WWOX: variants seen among roughly 807,000 people sequenced by gnomAD.
The protein encoded by WWOX is WW domain-containing oxidoreductase.
Under a neutral mutation model 46.2 loss-of-function variants are expected in WWOX, and 69 were observed. The ratio of observed to expected loss-of-function variants is 1.49; its 90% CI spans 1.23 to 1.82. WWOX has a LOEUF of 1.82. WWOX is among the 40% of genes most tolerant of loss of function. WWOX has a pLI of 0.00. For synonymous variants in WWOX, 359 were observed against 202.6 expected (o/e 1.77, Z -6.56); for missense variants, 919 against 542.6 (o/e 1.69, Z -6.89).
At chr16:78,228,483 A>C (rs2037143513) in intron 5 of WWOX, among the ~76,000 whole-genome samples, 1 of 151,944 alleles carries the variant, frequency 6.6e-6, no homozygotes, top group Non-Finnish European at 1.5e-5. Context: ...CTGGGACCAC[A>C]GGTGCTTGCC....
intron 5 of WWOX, among the ~76,000 whole-genome samples, chr16:78,202,310 T>G (rs533833818): frequency 6.6e-6 from 1 of 152,344 alleles, no homozygotes; most frequent in South Asian, 2.1e-4. Context: ...AAGGAAGGAA[T>G]GAAGGGTGGT....
chr16:78,691,705 C>G (rs1254413552), intron 8 of WWOX, among the ~76,000 whole-genome samples: 3 of 152,118 alleles, frequency 2.0e-5, no homozygotes, highest in Non-Finnish European at 4.4e-5. Context: ...AAGACCGTGT[C>G]TCCAAAAGGA....
intron 5 of WWOX, among the ~76,000 whole-genome samples, chr16:78,232,104 CAAGT>C (rs1220312529): frequency 6.6e-6 from 1 of 151,976 alleles, no homozygotes; most frequent in Admixed American, 6.6e-5. Flanking sequence ...GTAGAAAGTA[CAAGT>C]AAGTATACCT....
chr16:78,465,596 T>G (rs1246836580), intron 8 of WWOX, among the ~76,000 whole-genome samples: 1 of 152,236 alleles, frequency 6.6e-6, no homozygotes, highest in Non-Finnish European at 1.5e-5. Context: ...CCATAATCTC[T>G]GAATTTAACA....
chr16:79,079,134 A>T (rs545595435), intron 8 of WWOX, among the ~76,000 whole-genome samples: 2 of 152,202 alleles, frequency 1.3e-5, no homozygotes, highest in African/African-American at 4.8e-5. Flanking sequence ...CCTAGTTGCA[A>T]TGCTCTCTTC....
At chr16:78,558,669 C>G (rs894224947) in intron 8 of WWOX, among the ~76,000 whole-genome samples, 1 of 152,210 alleles carries the variant, frequency 6.6e-6, no homozygotes, top group African/African-American at 2.4e-5. Context: ...TCATAGGTCT[C>G]CCTGATTCCA....
chr16:78,704,920 G>GTT (rs11374229), intron 8 of WWOX, among the ~76,000 whole-genome samples: 2,880 of 144,360 alleles, frequency 0.02, 79 homozygotes, highest in African/African-American at 0.058. Context: ...AATACAACTT[G>GTT]TTTTTTTTTT....
At chr16:79,079,333 T>G (rs2048717768) in intron 8 of WWOX, among the ~76,000 whole-genome samples, 1 of 152,170 alleles carries the variant, frequency 6.6e-6, no homozygotes, top group East Asian at 1.9e-4. Context: ...TCTCTTTTTT[T>G]CTTGGGTTCC....
chr16:78,406,340 A>T (rs1240016834), intron 6 of WWOX, among the ~76,000 whole-genome samples: 4 of 88,920 alleles, frequency 4.5e-5, no homozygotes, highest in African/African-American at 4.3e-4. Flanking sequence ...ATATATATAT[A>T]TATATATATA....
At chr16:78,749,778 A>G (rs1185771558) in intron 8 of WWOX, among the ~76,000 whole-genome samples, 7 of 152,206 alleles carry the variant, frequency 4.6e-5, no homozygotes, top group African/African-American at 1.7e-4. Flanking sequence ...GTTACCTGAA[A>G]TGCAACTGTA....
intron 8 of WWOX, among the ~76,000 whole-genome samples, chr16:79,102,081 G>A (rs1456611101): frequency 7.9e-6 from 1 of 126,172 alleles, no homozygotes; most frequent in Non-Finnish European, 1.7e-5. Flanking sequence ...GGGGTGTGGG[G>A]AGGGTGGGGC....
chr16:78,311,717 G>A lies in WWOX; in HGVS notation c.517-75143G>A, dbSNP rs574775286. On this transcript the variant is annotated intron_variant, in intron 5 of 8. Coordinates refer to ENST00000566780, the MANE Select transcript of WWOX (RefSeq NM_016373.4). Reference sequence around the variant, plus strand: ...GGCAGACTTTAGTCTGGTTTATAATGCTTTAATATTTTTTTGAAGGAAGAA... The same window carrying A: ...GGCAGACTTTAGTCTGGTTTATAATACTTTAATATTTTTTTGAAGGAAGAA... Among the ~76,000 whole-genome samples, 21 of 152,140 alleles carry A rather than the reference G, an allele frequency of 1.4e-4. No individual in the cohort carries two copies. The South Asian group carries it at 4.2e-3, about 30-fold the overall frequency.
At chr16:78,386,619 ACCCACCCCCCCGC>A (rs972916987) in intron 5 of WWOX, among the ~76,000 whole-genome samples, 1 of 124,800 alleles carries the variant, frequency 8.0e-6, no homozygotes, top group African/African-American at 3.0e-5. Context: ...ACACAGCACA[ACCCACCCCCCCGC>A]CCCACCCCCC....
intron 8 of WWOX, among the ~76,000 whole-genome samples, chr16:78,686,760 A>C (rs1270093099): frequency 6.6e-6 from 1 of 152,174 alleles, no homozygotes; most frequent in East Asian, 1.9e-4. Context: ...TGCACTCCAT[A>C]TGCCTTCTGT....
intron 8 of WWOX, among the ~76,000 whole-genome samples, chr16:78,931,889 G>C (rs2045631391): frequency 6.6e-6 from 1 of 152,160 alleles, no homozygotes; most frequent in Admixed American, 6.5e-5. Flanking sequence ...TCATGGGGGT[G>C]GGTCTTTCCC....
chr16:78,286,788 T>C (rs74029855), intron 5 of WWOX, among the ~76,000 whole-genome samples: 2 of 146,110 alleles, frequency 1.4e-5, no homozygotes, highest in Admixed American at 7.1e-5. Flanking sequence ...AATATAACTA[T>C]ATGAGTATCA....
At chr16:78,615,882 T>A (rs909762107) in intron 8 of WWOX, among the ~76,000 whole-genome samples, 4 of 151,702 alleles carry the variant, frequency 2.6e-5, no homozygotes, top group Non-Finnish European at 5.9e-5. Flanking sequence ...TCCCGAGTAG[T>A]TGGGACTACA....
chr16:78,907,874 G>A (rs954811), intron 8 of WWOX, among the ~76,000 whole-genome samples: 74,954 of 151,976 alleles, frequency 0.49, 20,939 homozygotes, highest in Non-Finnish European at 0.64. Flanking sequence ...TCCAAAGCCC[G>A]TGGCATGTCA....
rs764089824 is a variant in WWOX at position 78,164,188 on chromosome 16, G to A, written c.415G>A (p.Glu139Lys). Residue 139 changes from glutamate (E) to lysine (K), a missense_variant, in exon 5 of 9, where the codon GAA becomes AAA. Transcript: ENST00000566780. ...VTGANSGIGFETAKSFALHGA... is the reference protein window; with the variant it reads ...VTGANSGIGFKTAKSFALHGA... ...GACTTTCCTTTAAACCATAGGGTTC[G>A]AAACCGCCAAGTCTTTTGCCCTCCA... 4.3e-6 allele frequency: 7 copies of A among 1,613,770 alleles called. No homozygotes were observed. Among genetic ancestry groups the A allele is most frequent in the South Asian group, 1.1e-5 (1 of 90,946 alleles).
Sources: gnomAD v4.1 joint callset for allele counts (sites outside exome capture counted in the v4.1 genomes callset) on GRCh38, gnomAD v4.1.1 for gene constraint, MANE v1.5 for transcripts, NCBI Gene and HGNC (gene_info 2026-07-23, HGNC 2026-07-21) for gene names.